The following TXNRD3 variants were observed in gnomAD, a reference collection of about 807,000 sequenced individuals.
The protein encoded by TXNRD3 is thioredoxin reductase 3, also known as TXNRD3 neighbor gene protein.
In TXNRD3, 68 loss-of-function variants were observed where a neutral mutation model predicts 78.2. The observed-to-expected ratio is 0.87, with a 90% CI of 0.72 to 1.06. The LOEUF is 1.06. TXNRD3 is among the 50% of genes least tolerant of loss of function. The pLI is 0.00. For missense variants in TXNRD3, 751 were observed against 809.5 expected, an observed-to-expected ratio of 0.93 and a Z score of 0.88; for synonymous variants, 296 against 300.1, an observed-to-expected ratio of 0.99 and a Z score of 0.14.
In TXNRD3 at chr3:126,611,087, T is replaced by C. The variant is rs1430971426; in HGVS notation, c.1678A>G (p.Arg560Gly). 6.5e-6 allele frequency: 10 copies of C among 1,529,490 alleles called. No individual in the cohort carries two copies. Among genetic ancestry groups the C allele is most frequent in the Non-Finnish European group, 8.7e-6 (10 of 1,143,272 alleles). The allele number at this position is 1,529,490 out of a possible 1,614,324, so 94.7% of individuals were successfully genotyped here. Reference sequence around the variant, plus strand: ...TTTGCATAACAAGTGTTGTTCTCTCTGCCAGCTACTGTCCATTCAAGAGGC... The same window carrying C: ...TTTGCATAACAAGTGTTGTTCTCTCCGCCAGCTACTGTCCATTCAAGAGGC... Residue 560 changes from arginine to glycine, a missense_variant, in exon 14 of 16, where the codon AGA (arginine) becomes GGA (glycine). Arg to Gly is a moderately radical substitution (Grantham distance 125). Coordinates refer to ENST00000524230, the MANE Select transcript of TXNRD3 (RefSeq NM_052883.3).
Position 126,647,236 on chromosome 3 carries a change from C to T in TXNRD3, c.304G>A (p.Asp102Asn). ...ACTATGTTGTAACTGGTCTACTTAC[C>T]AACTTGATCAAGTTCCAAGACATTA... is the stretch of plus-strand genomic sequence containing the variant. The change falls in exon 2 of 16, where the codon GAT becomes AAT. Residue 102 changes from aspartate (D) to asparagine (N), a missense_variant and splice_region_variant. Transcript: ENST00000524230. The T allele has an allele frequency of 6.5e-7, 1 of 1,534,130 alleles. No homozygotes were observed. The highest frequency in any genetic ancestry group is 8.7e-7 in the Non-Finnish European group (1 of 1,145,850).
chr3:126,615,284 A>C (rs1446220670), intron 13 of TXNRD3, 71 bp downstream of exon 13: 7 of 693,142 alleles, frequency 1.0e-5, no homozygotes, highest in Admixed American at 3.5e-5. Context: ...TGATGAAATA[A>C]AAAGTGACCG....
chr3:126,631,509 A>G (rs777225), intron 8 of TXNRD3, among the ~76,000 whole-genome samples: 132,811 of 151,830 alleles, frequency 0.87, 59,119 homozygotes, highest in Middle Eastern at 0.97. Context: ...AGTTTAGAAC[A>G]AAACTCCCAG....
In TXNRD3 at chr3:126,654,735, G is replaced by A; in HGVS notation, c.243+13C>T. 7.6e-7 allele frequency: 1 copy of A among 1,317,732 alleles called. No individual in the cohort carries two copies. Among genetic ancestry groups the A allele is most frequent in the Non-Finnish European group, 9.7e-7 (1 of 1,034,362 alleles). The allele number at this position is 1,317,732 out of a possible 1,614,324, so 81.6% of individuals were successfully genotyped here. A position where few individuals can be genotyped will look rare whatever the true frequency, so the allele number is the denominator to read the frequency against. On this transcript the variant is annotated intron_variant, in intron 1 of 15. Coordinates refer to ENST00000524230, the MANE Select transcript of TXNRD3 (RefSeq NM_052883.3). ...CGGTCGCGCGCGGTGGAACCGGCGA[G>A]GGCCGCGCCTACCCGAGTACTATGG...
At chr3:126,632,185 G>A (rs1264189326) in intron 7 of TXNRD3, among the ~76,000 whole-genome samples, 2 of 152,110 alleles carry the variant, frequency 1.3e-5, no homozygotes, top group African/African-American at 4.8e-5. Context: ...CGGAGACCTG[G>A]AAGACAGAAC....
chr3:126,636,768 C>A (rs1458184980), intron 6 of TXNRD3, among the ~76,000 whole-genome samples: 3 of 151,938 alleles, frequency 2.0e-5, no homozygotes, highest in African/African-American at 7.3e-5. Flanking sequence ...TTTCAGCCTC[C>A]AAAAAAAGGT....
At chr3:126,639,690 C>T (rs1933008731) in intron 6 of TXNRD3, among the ~76,000 whole-genome samples, 1 of 152,204 alleles carries the variant, frequency 6.6e-6, no homozygotes, top group African/African-American at 2.4e-5. Flanking sequence ...CTTACCTCAG[C>T]CTCCCGAGTA....
intron 11 of TXNRD3, 127 bp from the exon 12 acceptor site, chr3:126,622,025 C>A (rs115608469): frequency 1.1e-5 from 8 of 696,914 alleles, no homozygotes; most frequent in Admixed American, 7.4e-5. Flanking sequence ...CTCAGGATAT[C>A]AATTATATAT....
At position 126,646,158 on chromosome 3, in the gene TXNRD3, T is replaced by C. The variant is rs1330942853; in HGVS notation, c.367A>G (p.Ile123Val). 6.5e-7 allele frequency: 1 copy of C among 1,534,278 alleles called. No homozygotes were observed. Among genetic ancestry groups the C allele is most frequent in the Admixed American group, 2.0e-5 (1 of 50,672 alleles). ...CCTACATGCACTTTATTCACGAAAATATTGGGCACAGTTTTCTGATTAGTG... is the reference window on the plus strand; with the variant it reads ...CCTACATGCACTTTATTCACGAAAACATTGGGCACAGTTTTCTGATTAGTG... The change falls in exon 3 of 16, where the codon ATT (isoleucine) becomes GTT (valine). Residue 123 changes from isoleucine to valine, a missense_variant. By Grantham distance (29) the Ile-to-Val change is conservative (BLOSUM62 3). Transcript: ENST00000524230.
intron 1 of TXNRD3, among the ~76,000 whole-genome samples, chr3:126,652,929 T>C (rs1933423778): frequency 1.3e-5 from 2 of 152,226 alleles, no homozygotes; most frequent in Admixed American, 1.3e-4. Flanking sequence ...GGGACTCTGA[T>C]TTTGTTTTTG....
At chr3:126,620,164 A>G (rs908152439) in intron 12 of TXNRD3, among the ~76,000 whole-genome samples, 1 of 151,942 alleles carries the variant, frequency 6.6e-6, no homozygotes, top group Non-Finnish European at 1.5e-5. Flanking sequence ...GCGTGGTGGC[A>G]GGCGCCTGTA....
intron 10 of TXNRD3, among the ~76,000 whole-genome samples, chr3:126,623,852 C>CAAAAAAAAAA (rs4021853): frequency 5.4e-5 from 6 of 112,002 alleles, no homozygotes; most frequent in South Asian, 3.3e-4. Flanking sequence ...GAAACAAGGC[C>CAAAAAAAAAA]AAAAAAAAAA....
intron 6 of TXNRD3, among the ~76,000 whole-genome samples, chr3:126,637,093 ACTAATGGTAC>A (rs1171235837): frequency 6.6e-6 from 1 of 152,254 alleles, no homozygotes; most frequent in Non-Finnish European, 1.5e-5. Flanking sequence ...TACCTGTAAC[ACTAATGGTAC>A]CTTTTGGAGA....
At chr3:126,644,080 C>G (rs767346286) in intron 4 of TXNRD3, 27 bp from the exon 5 acceptor site, 1 of 1,533,436 alleles carries the variant, frequency 6.5e-7, no homozygotes. Flanking sequence ...ACAAAAATTA[C>G]GTATAAAGAT....
At chr3:126,631,565 A>G (rs1291512848) in intron 8 of TXNRD3, among the ~76,000 whole-genome samples, 199 bp downstream of exon 8, 1 of 151,986 alleles carries the variant, frequency 6.6e-6, no homozygotes, top group East Asian at 1.9e-4. Flanking sequence ...ATTTTTGTAC[A>G]TAAATTTTGC....
Position 126,630,960 on chromosome 3 carries a change from A to C in TXNRD3, c.972-23T>G, listed in dbSNP as rs568732663. The C allele has an allele frequency of 2.6e-6, 4 of 1,526,686 alleles. No homozygotes were observed. The East Asian group carries it at 9.8e-5, about 37-fold the overall frequency. The allele number at this position is 1,526,686 out of a possible 1,614,324, so 94.6% of individuals were successfully genotyped here. On this transcript the variant is annotated intron_variant, in intron 8 of 15. Coordinates refer to ENST00000524230, the MANE Select transcript of TXNRD3 (RefSeq NM_052883.3). ...TCACTGAAAAATAAAAATTAAAAAA[A>C]GAATACCTAGGCAGCAAGAATGAAA...
At chr3:126,625,352 G>A (rs1938555502) in intron 10 of TXNRD3, among the ~76,000 whole-genome samples, 1 of 127,278 alleles carries the variant, frequency 7.9e-6, no homozygotes, top group African/African-American at 3.1e-5. Flanking sequence ...TCCCCTTCCT[G>A]TGTCCATGTG....
chr3:126,634,332 C>T (rs773502788), intron 6 of TXNRD3, among the ~76,000 whole-genome samples: 3 of 152,088 alleles, frequency 2.0e-5, no homozygotes, highest in African/African-American at 4.8e-5. Flanking sequence ...CCTGCCACGA[C>T]GTAAGGCAGG....
chr3:126,654,890 G>A lies in TXNRD3; in HGVS notation c.101C>T (p.Pro34Leu). The A allele has an allele frequency of 1.5e-6, 2 of 1,322,916 alleles. No individual in the cohort carries two copies. The highest frequency in any genetic ancestry group is 1.9e-6 in the Non-Finnish European group (2 of 1,044,964). The allele number at this position is 1,322,916 out of a possible 1,614,324, so 81.9% of individuals were successfully genotyped here. Reference sequence around the variant, plus strand: ...GGACGACAGGCGGGCACGGCGCCCCGGCGGCGACAACACGCGCGCCCCTCG... The same window carrying A: ...GGACGACAGGCGGGCACGGCGCCCCAGCGGCGACAACACGCGCGCCCCTCG... The change falls in exon 1 of 16, where the codon CCG becomes CTG. Residue 34 changes from proline to leucine, a missense_variant. Physicochemically the swap from Pro to Leu is moderately conservative, Grantham distance 98. Transcript: ENST00000524230.
Sources: gnomAD v4.1 joint callset for allele counts (sites outside exome capture counted in the v4.1 genomes callset) on GRCh38, gnomAD v4.1.1 for gene constraint, MANE v1.5 for transcripts, NCBI Gene and HGNC (gene_info 2026-07-23, HGNC 2026-07-21) for gene names.